Variants in NRG1 observed in about 807,000 individuals in gnomAD.
The protein encoded by NRG1 is neuregulin 1, also known as pro-neuregulin-1, membrane-bound isoform.
In NRG1, 18 loss-of-function variants were observed where a neutral mutation model predicts 63.8. That is an observed-to-expected ratio of 0.28 (90% confidence interval 0.19 to 0.42). The LOEUF (loss-of-function observed/expected upper bound fraction) is 0.42, where lower values mean the gene tolerates loss of function less well. NRG1 is among the 10% of genes least tolerant of loss of function. The pLI is 1.00. For synonymous variants in NRG1, 302 were observed against 301.3 expected (o/e 1.00, Z -0.02); for missense variants, 762 against 814.7 (o/e 0.94, Z 0.79).
chr8:32,553,264 A>C (rs1337573962), intron 1 of NRG1, among the ~76,000 whole-genome samples: 2 of 152,192 alleles, frequency 1.3e-5, no homozygotes, highest in Non-Finnish European at 2.9e-5. Flanking sequence ...CTGAACATCA[A>C]CCAACATGTA....
At chr8:31,964,868 C>T (rs558916267) in intron 1 of NRG1, among the ~76,000 whole-genome samples, 1 of 152,270 alleles carries the variant, frequency 6.6e-6, no homozygotes, top group South Asian at 2.1e-4. Flanking sequence ...AGAGAGCAGA[C>T]ATTTCTACTC....
At chr8:32,092,059 A>G (rs1264441406) in intron 1 of NRG1, among the ~76,000 whole-genome samples, 17 of 152,130 alleles carry the variant, frequency 1.1e-4, no homozygotes, top group Non-Finnish European at 1.5e-5. Context: ...TCAAGAAGTA[A>G]TTTTTTAAAA....
intron 1 of NRG1, among the ~76,000 whole-genome samples, chr8:31,940,111 A>G (rs1801534588): frequency 6.6e-6 from 1 of 152,204 alleles, no homozygotes; most frequent in Admixed American, 6.5e-5. Flanking sequence ...TCTACTCATC[A>G]GCACATGGAA....
At chr8:32,265,273 T>C (rs1850800236) in intron 1 of NRG1, among the ~76,000 whole-genome samples, 1 of 152,096 alleles carries the variant, frequency 6.6e-6, no homozygotes, top group South Asian at 2.1e-4. Context: ...AGGTGGTGGC[T>C]GCAGTGAGCC....
chr8:31,711,209 CA>C (rs1363769883), intron 1 of NRG1, among the ~76,000 whole-genome samples: 1 of 152,114 alleles, frequency 6.6e-6, no homozygotes, highest in Non-Finnish European at 1.5e-5. Context: ...TTGGTCATCC[CA>C]ACCCTCAAAT....
At chr8:32,597,331 T>C (rs1025137100) in intron 2 of NRG1, among the ~76,000 whole-genome samples, 8 of 152,176 alleles carry the variant, frequency 5.3e-5, no homozygotes, top group African/African-American at 1.9e-4. Flanking sequence ...TTATCAAAGA[T>C]TTTGCTCTGA....
chr8:31,736,439 C>A (rs563868321), intron 1 of NRG1, among the ~76,000 whole-genome samples: 12 of 152,182 alleles, frequency 7.9e-5, no homozygotes, highest in African/African-American at 2.2e-4. Context: ...TGTCTTCATC[C>A]CCAACACCTA....
At chr8:31,891,235 G>A (rs776366) in intron 1 of NRG1, among the ~76,000 whole-genome samples, 101,774 of 151,960 alleles carry the variant, frequency 0.67, 34,473 homozygotes, top group East Asian at 0.92. Flanking sequence ...GGGAGAAAAT[G>A]TTTACAAACC....
chr8:32,433,599 T>C (rs149501258), intron 1 of NRG1, among the ~76,000 whole-genome samples: 1,630 of 152,236 alleles, frequency 0.011, 14 homozygotes, highest in Middle Eastern at 0.037. Context: ...TGGACCAAAA[T>C]AGAAAAAGCT....
At chr8:32,771,715 A>AAAAAAAATATAT (rs1343943621), downstream of NRG1, among the ~76,000 whole-genome samples, 40 of 111,842 alleles carry the variant, frequency 3.6e-4, no homozygotes, top group Middle Eastern at 5.7e-3. Context: ...TTAAAAAAAA[A>AAAAAAAATATAT]ATATATATAT....
chr8:31,730,359 A>T (rs1174445082), intron 1 of NRG1, among the ~76,000 whole-genome samples: 1 of 152,084 alleles, frequency 6.6e-6, no homozygotes, highest in Non-Finnish European at 1.5e-5. Flanking sequence ...GATATAAATG[A>T]CATATAAAGA....
At chr8:31,897,717 G>A (rs765524287) in intron 1 of NRG1, among the ~76,000 whole-genome samples, 15 of 151,970 alleles carry the variant, frequency 9.9e-5, no homozygotes, top group Non-Finnish European at 2.2e-4. Context: ...CATCCAATTA[G>A]AAAATCTTTG....
chr8:32,391,441 T>C (rs1811760818), intron 1 of NRG1, among the ~76,000 whole-genome samples: 1 of 152,180 alleles, frequency 6.6e-6, no homozygotes, highest in Non-Finnish European at 1.5e-5. Context: ...GGATCTGTTG[T>C]GCAGATTGTT....
chr8:32,213,905 C>T (rs1844946767), intron 1 of NRG1, among the ~76,000 whole-genome samples: 2 of 152,110 alleles, frequency 1.3e-5, no homozygotes, highest in Admixed American at 1.3e-4. Flanking sequence ...AATATAGAAT[C>T]TCAGCAAAGG....
At chr8:32,463,135 C>CT (rs34791264) in intron 1 of NRG1, among the ~76,000 whole-genome samples, 2 of 151,922 alleles carry the variant, frequency 1.3e-5, no homozygotes, top group African/African-American at 4.8e-5. Flanking sequence ...CTAGAATCTC[C>CT]TTTTTAGGTT....
At chr8:32,299,755 T>G (rs759197492) in intron 1 of NRG1, among the ~76,000 whole-genome samples, 3 of 152,142 alleles carry the variant, frequency 2.0e-5, no homozygotes, top group Non-Finnish European at 2.9e-5. Context: ...GGAACTGCCC[T>G]TTATCAAACC....
chr8:32,058,078 C>G (rs1823251921), intron 1 of NRG1, among the ~76,000 whole-genome samples: 1 of 151,976 alleles, frequency 6.6e-6, no homozygotes, highest in African/African-American at 2.4e-5. Flanking sequence ...ACAAGTTATA[C>G]AAATGTATTA....
intron 1 of NRG1, among the ~76,000 whole-genome samples, chr8:32,057,363 C>T (rs1353757973): frequency 6.6e-6 from 1 of 152,088 alleles, no homozygotes; most frequent in Non-Finnish European, 1.5e-5. Context: ...AGGCCTGGTG[C>T]GTTGCATTGA....
At chr8:32,076,739 G>C (rs949143073) in intron 1 of NRG1, among the ~76,000 whole-genome samples, 1 of 149,592 alleles carries the variant, frequency 6.7e-6, no homozygotes, top group African/African-American at 2.5e-5. Context: ...AAAAAATTAA[G>C]TCATGTAGAT....
Sources: gnomAD v4.1 joint callset for allele counts (sites outside exome capture counted in the v4.1 genomes callset) on GRCh38, gnomAD v4.1.1 for gene constraint, MANE v1.5 for transcripts, NCBI Gene and HGNC (gene_info 2026-07-23, HGNC 2026-07-21) for gene names.